Variants in IQCM observed in about 807,000 individuals in gnomAD.
The protein encoded by IQCM is IQ motif containing M, also known as IQ domain-containing protein M.
A neutral mutation model predicts 57.6 loss-of-function variants in IQCM; 45 were observed. The observed-to-expected ratio is 0.78, with a 90% CI of 0.62 to 1.00. The LOEUF is 1.00. IQCM is among the 50% of genes least tolerant of loss of function. The probability of loss-of-function intolerance (pLI) is 0.00; values close to 1 mark genes in which losing one functional copy is unlikely to be tolerated. For missense variants in IQCM, 468 were observed against 511.6 expected, an observed-to-expected ratio of 0.91 and a Z score of 0.82; for synonymous variants, 148 against 158.9, an observed-to-expected ratio of 0.93 and a Z score of 0.51.
At chr4:149,757,741 A>ATGTG (rs3085133) in intron 2 of IQCM, among the ~76,000 whole-genome samples, 6,117 of 150,342 alleles carry the variant, frequency 0.041, 415 homozygotes, top group African/African-American at 0.14. Context: ...GATATTATAT[A>ATGTG]TGTGTGTGTG....
rs149195543 is a variant in IQCM at position 149,640,987 on chromosome 4, G to A, written c.566-19743C>T. On this transcript the variant is annotated intron_variant, in intron 7 of 13. Transcript: ENST00000636793. Reference sequence around the variant, plus strand: ...CACACCAAAAATACAAAAATTAGCCGAGCGTGGTGTTGCACACCTGTAGTC... The same window carrying A: ...CACACCAAAAATACAAAAATTAGCCAAGCGTGGTGTTGCACACCTGTAGTC... 2.8e-3 allele frequency among the ~76,000 whole-genome samples: 424 copies of A among 152,182 alleles called. 3 individuals are homozygous for A. Among genetic ancestry groups the A allele is most frequent in the African/African-American group, 9.0e-3 (374 of 41,534 alleles).
chr4:149,649,006 T>G (rs1758913692), intron 7 of IQCM, among the ~76,000 whole-genome samples: 1 of 152,156 alleles, frequency 6.6e-6, no homozygotes, highest in Non-Finnish European at 1.5e-5. Flanking sequence ...TCTCGGGCAT[T>G]GCCAGTTGGA....
At chr4:149,422,175 G>A (rs1037787290) in intron 13 of IQCM, among the ~76,000 whole-genome samples, 1 of 151,856 alleles carries the variant, frequency 6.6e-6, no homozygotes, top group African/African-American at 2.4e-5. Context: ...TATCAGTTTT[G>A]TTTTATGAAA....
chr4:149,427,445 C>T (rs541219081), intron 13 of IQCM, among the ~76,000 whole-genome samples: 2 of 151,880 alleles, frequency 1.3e-5, no homozygotes, highest in African/African-American at 2.4e-5. Context: ...TATTTTCTTA[C>T]TCAAATGTTT....
At chr4:149,434,697 C>T (rs1735185683) in intron 12 of IQCM, among the ~76,000 whole-genome samples, 1 of 152,056 alleles carries the variant, frequency 6.6e-6, no homozygotes, top group Non-Finnish European at 1.5e-5. Context: ...GAGGCTAGAA[C>T]ACTTCTTCCT....
At chr4:149,447,020 C>T (rs543439753) in intron 12 of IQCM, among the ~76,000 whole-genome samples, 10 of 151,500 alleles carry the variant, frequency 6.6e-5, no homozygotes, top group Non-Finnish European at 1.2e-4. Flanking sequence ...CCCTTCCTTT[C>T]CTGGAGATGA....
At chr4:149,405,891 T>TATATATATATATCTTC (rs1732944744) in intron 13 of IQCM, among the ~76,000 whole-genome samples, 3 of 1,114 alleles carry the variant, frequency 2.7e-3, no homozygotes, top group African/African-American at 9.6e-3. Flanking sequence ...TATATCTTCA[T>TATATATATATATCTTC]ATATATATAT....
chr4:149,646,879 G>T (rs1758682701), intron 7 of IQCM, among the ~76,000 whole-genome samples: 1 of 152,156 alleles, frequency 6.6e-6, no homozygotes, highest in Admixed American at 6.5e-5. Context: ...AGCTACTCAG[G>T]AGGCTGAGGC....
At chr4:149,486,669 C>G (rs1197555447) in intron 12 of IQCM, among the ~76,000 whole-genome samples, 3 of 152,110 alleles carry the variant, frequency 2.0e-5, no homozygotes, top group Non-Finnish European at 2.9e-5. Context: ...TCACTTGAAC[C>G]CAGGAGGTGG....
chr4:149,553,313 A>G (rs1749216951), intron 10 of IQCM, 26 bp from the exon 11 acceptor site: 5 of 1,228,704 alleles, frequency 4.1e-6, no homozygotes, highest in South Asian at 4.1e-5. Context: ...AGCTCCTTAT[A>G]TATTTCTGGT....
chr4:149,529,538 T>C (rs575497501), intron 12 of IQCM, among the ~76,000 whole-genome samples: 3 of 152,230 alleles, frequency 2.0e-5, no homozygotes, highest in Non-Finnish European at 4.4e-5. Flanking sequence ...ACAGGCCATA[T>C]GCTAGGCTAC....
At chr4:149,651,894 G>A (rs547219159) in intron 7 of IQCM, among the ~76,000 whole-genome samples, 7 of 152,178 alleles carry the variant, frequency 4.6e-5, no homozygotes, top group South Asian at 2.1e-4. Flanking sequence ...ACAGTGTGGC[G>A]ATTTCTCGAG....
At chr4:149,809,265 G>GAA (rs11393082) in intron 2 of IQCM, among the ~76,000 whole-genome samples, 20 of 144,762 alleles carry the variant, frequency 1.4e-4, no homozygotes, top group East Asian at 8.0e-4. Flanking sequence ...GTCTCAAAAA[G>GAA]AAAAAAAAAA....
intron 5 of IQCM, among the ~76,000 whole-genome samples, chr4:149,688,667 C>T (rs1026363507): frequency 6.6e-6 from 1 of 151,946 alleles, no homozygotes; most frequent in African/African-American, 2.4e-5. Flanking sequence ...GCAAAAAGAA[C>T]AAATCTGGAG....
intron 5 of IQCM, among the ~76,000 whole-genome samples, chr4:149,720,627 A>G (rs980341655): frequency 6.6e-6 from 1 of 152,216 alleles, no homozygotes. Flanking sequence ...CTAATTTAAG[A>G]ATTCTGTTTA....
Position 149,429,302 on chromosome 4 carries a change from T to C in IQCM, c.1390+4094A>G, listed in dbSNP as rs558956046. On this transcript the variant is annotated intron_variant, in intron 13 of 13. Coordinates refer to ENST00000636793, the MANE Select transcript of IQCM (RefSeq NM_001363507.2). ...AAGACTAACTTTCCAAAATAGCCTT[T>C]CCAAAAATAAGTGTGACAAGCCATA... Among the ~76,000 whole-genome samples, 3 of 151,930 alleles carry C rather than the reference T, an allele frequency of 2.0e-5. No individual in the cohort carries two copies. The South Asian group carries it at 6.2e-4, about 32-fold the overall frequency.
chr4:149,814,945 T>C (rs1262364479), intron 2 of IQCM, among the ~76,000 whole-genome samples: 3 of 152,026 alleles, frequency 2.0e-5, no homozygotes, highest in Middle Eastern at 3.2e-3. Flanking sequence ...AAAATCTATA[T>C]GTAAAAGACA....
At chr4:149,443,098 T>C (rs1363758064) in intron 12 of IQCM, among the ~76,000 whole-genome samples, 1 of 152,054 alleles carries the variant, frequency 6.6e-6, no homozygotes. Context: ...GAAACTCTTG[T>C]GCATGGCTGA....
At chr4:149,517,219 G>C (rs1404579874) in intron 12 of IQCM, among the ~76,000 whole-genome samples, 1 of 151,420 alleles carries the variant, frequency 6.6e-6, no homozygotes, top group African/African-American at 2.4e-5. Context: ...TTCCAGCTAT[G>C]ACCATGTAGC....
Sources: gnomAD v4.1 joint callset for allele counts (sites outside exome capture counted in the v4.1 genomes callset) on GRCh38, gnomAD v4.1.1 for gene constraint, MANE v1.5 for transcripts, NCBI Gene and HGNC (gene_info 2026-07-23, HGNC 2026-07-21) for gene names.